Variants in UBE3B observed in about 807,000 individuals in gnomAD.
UBE3B encodes ubiquitin-protein ligase E3B.
A neutral mutation model predicts 132.3 loss-of-function variants in UBE3B; 80 were observed. The observed-to-expected ratio is 0.60, with a 90% CI of 0.50 to 0.73. UBE3B has a LOEUF of 0.73. Ranked by LOEUF, UBE3B falls within the 30% of genes least tolerant of loss-of-function variation. UBE3B has a pLI of 0.00. For missense variants in UBE3B, 1,196 were observed against 1,362.5 expected (o/e 0.88, Z 1.92); for synonymous variants, 487 against 520.4 (o/e 0.94, Z 0.87).
chr12:109,510,241 G>A (rs890721209), intron 16 of UBE3B, 103 bp from the exon 17 acceptor site: 6 of 900,032 alleles, frequency 6.7e-6, no homozygotes, highest in African/African-American at 3.3e-5. Context: ...TCAGAGCGAG[G>A]GAGATCAAGG....
Position 109,534,786 on chromosome 12 carries a change from C to T in UBE3B, c.*4C>T, listed in dbSNP as rs1042436530. On this transcript the variant is annotated 3_prime_UTR_variant, in exon 28 of 28. Coordinates refer to ENST00000342494, the MANE Select transcript of UBE3B (RefSeq NM_130466.4). This position sits in a 1 kb window ranked among gnomAD's most constrained non-coding sequence, Gnocchi z 5.2. ...CACGGGCTTTGAACTCTCCTAGCTC[C>T]TGTCCCAGCCCTGCCTCCAGGGCTC... is the stretch of plus-strand genomic sequence containing the variant. The T allele has an allele frequency of 1.3e-6, 2 of 1,505,428 alleles. No homozygotes were observed. Among genetic ancestry groups the T allele is most frequent in the Non-Finnish European group, 1.8e-6 (2 of 1,125,170 alleles). The allele number at this position is 1,505,428 out of a possible 1,614,324, so 93.3% of individuals were successfully genotyped here. A position where few individuals can be genotyped will look rare whatever the true frequency, so the allele number is the denominator to read the frequency against.
Position 109,521,616 on chromosome 12 carries a change from A to C in UBE3B, c.2364+65A>C. 3 of 1,414,518 alleles carry C rather than the reference A, an allele frequency of 2.1e-6. No individual in the cohort carries two copies. Among genetic ancestry groups the C allele is most frequent in the Non-Finnish European group, 2.9e-6 (3 of 1,041,000 alleles). The allele number at this position is 1,414,518 out of a possible 1,614,324, so 87.6% of individuals were successfully genotyped here. ...TTAACGGTACCATGGGCTTCTTCACATACACATATGTGATCAGGCTTGGCC... is the reference window on the plus strand; with the variant it reads ...TTAACGGTACCATGGGCTTCTTCACCTACACATATGTGATCAGGCTTGGCC... On this transcript the variant is annotated intron_variant, in intron 21 of 27. Coordinates refer to ENST00000342494, the MANE Select transcript of UBE3B (RefSeq NM_130466.4). The surrounding 1 kb of genome is among the most constrained non-coding windows in gnomAD (Gnocchi z 4.2).
intron 12 of UBE3B, 44 bp from the exon 13 acceptor site, chr12:109,501,327 A>C (rs779736754): frequency 6.2e-7 from 1 of 1,610,802 alleles, no homozygotes; most frequent in Admixed American, 1.7e-5. Context: ...CTGGCCCTGC[A>C]TCAGATGGAA....
chr12:109,531,032 T>C (rs1232116373), intron 26 of UBE3B, among the ~76,000 whole-genome samples: 1 of 152,176 alleles, frequency 6.6e-6, no homozygotes, highest in Admixed American at 6.5e-5. Context: ...AAAATACAGA[T>C]AAGCAAAATA....
Position 109,522,779 on chromosome 12 carries a change from T to C in UBE3B, c.2365-1199T>C, listed in dbSNP as rs1490044626. Among the ~76,000 whole-genome samples the C allele has an allele frequency of 6.6e-6, 1 of 152,214 alleles. No homozygotes were observed. Among genetic ancestry groups the C allele is most frequent in the African/African-American group, 2.4e-5 (1 of 41,472 alleles). ...GCCCCTGCCCAAACACCATCCAGTC[T>C]TCCTTGTGCCCTCCAGTGATTTGGG... On this transcript the variant is annotated intron_variant, in intron 21 of 27. Transcript: ENST00000342494. The surrounding 1 kb of genome is among the most constrained non-coding windows in gnomAD (Gnocchi z 4.2).
Position 109,486,508 on chromosome 12 carries a change from C to T in UBE3B, c.380C>T (p.Thr127Ile), listed in dbSNP as rs1460709664. ...TCCCTGGCTTGTTCTAAGGACCTCA[C>T]CCTCCTTTGGATTCAACAGATCAAG... is the stretch of plus-strand genomic sequence containing the variant. ...YVSLACSKDLTLLWIQQIKNI... is the reference protein window; with the variant it reads ...YVSLACSKDLILLWIQQIKNI... The change falls in exon 6 of 28, where the codon ACC becomes ATC. Residue 127 changes from threonine (T) to isoleucine (I), a missense_variant. Transcript: ENST00000342494. The T allele has an allele frequency of 3.1e-6, 5 of 1,609,670 alleles. No homozygotes were observed. In the South Asian group the frequency reaches 5.5e-5, roughly 18 times the overall value.
At chr12:109,533,962 G>A in intron 27 of UBE3B, 2 of 1,305,508 alleles carry the variant, frequency 1.5e-6, no homozygotes, top group Non-Finnish European at 2.0e-6. Flanking sequence ...TGCACGTCCA[G>A]GCTCGCTGCT....
intron 18 of UBE3B, among the ~76,000 whole-genome samples, chr12:109,516,340 T>G (rs575020345): frequency 4.6e-5 from 7 of 151,788 alleles, no homozygotes; most frequent in African/African-American, 1.2e-4. Flanking sequence ...CCCAGCTAAT[T>G]TTTGTATTTT....
chr12:109,524,048 T>C lies in UBE3B; in HGVS notation c.2435T>C (p.Phe812Ser), dbSNP rs767360700. The stretch of plus-strand genomic sequence containing the variant: ...CTGCTTGGGCACCACCACAGCGTCT[T>C]CTATAGCTCGGTGGATGAACTGCCT... ...SQLLGHHHSV[F>S]YSSVDELPSL... The change falls in exon 22 of 28, where the codon TTC becomes TCC. Residue 812 changes from phenylalanine (F) to serine (S), a missense_variant. By Grantham distance (155) the Phe-to-Ser change is radical. Coordinates refer to ENST00000342494, the MANE Select transcript of UBE3B (RefSeq NM_130466.4). The C allele has an allele frequency of 1.2e-6, 2 of 1,614,186 alleles. No individual in the cohort carries two copies. The highest frequency in any genetic ancestry group is 1.1e-5 in the South Asian group (1 of 91,082).
chr12:109,507,261 C>G (rs1489427779), intron 14 of UBE3B, among the ~76,000 whole-genome samples: 9 of 152,214 alleles, frequency 5.9e-5, no homozygotes, highest in African/African-American at 2.2e-4. Flanking sequence ...TTTAACCTTT[C>G]TGTGCTTCAG....
At chr12:109,540,256 A>G (rs1194005953), downstream of UBE3B, among the ~76,000 whole-genome samples, 1 of 152,102 alleles carries the variant, frequency 6.6e-6, no homozygotes, top group Non-Finnish European at 1.5e-5. Flanking sequence ...GGCTGGATCA[A>G]GATTGCCCAG....
chr12:109,524,485 C>T lies in UBE3B; in HGVS notation c.2550C>T (p.Asp850=), dbSNP rs778237173. ...ITDLGLTLSY[D]EDVMGQLVCH... ...ACCTGGGCCTGACGCTGTCTTACGA[C>T]GAGGACGTCATGGGTCAGGTAGGTC... is the stretch of plus-strand genomic sequence containing the variant. Residue 850 remains aspartate (D), a synonymous_variant, in exon 23 of 28, where the codon GAC becomes GAT. Coordinates refer to ENST00000342494, the MANE Select transcript of UBE3B (RefSeq NM_130466.4). 11 of 1,614,058 alleles carry T rather than the reference C, an allele frequency of 6.8e-6. No homozygotes were observed. Among genetic ancestry groups the T allele is most frequent in the South Asian group, 4.4e-5 (4 of 91,094 alleles).
chr12:109,539,266 T>C (rs1024376015), downstream of UBE3B, among the ~76,000 whole-genome samples: 2 of 152,134 alleles, frequency 1.3e-5, no homozygotes, highest in Admixed American at 1.3e-4. Flanking sequence ...AAAACAAAAC[T>C]GCACAGCAGC....
At chr12:109,533,026 G>T (rs565001996) in intron 26 of UBE3B, among the ~76,000 whole-genome samples, 3 of 152,276 alleles carry the variant, frequency 2.0e-5, no homozygotes, top group Admixed American at 6.5e-5. Flanking sequence ...ACGTGCAGTG[G>T]GTGCCACCAG....
At chr12:109,511,656 G>T (rs1880390851) in intron 18 of UBE3B, among the ~76,000 whole-genome samples, 2 of 152,196 alleles carry the variant, frequency 1.3e-5, no homozygotes, top group Admixed American at 6.5e-5. Context: ...GTGCAGTGTG[G>T]CTGGAGAGAA....
At chr12:109,523,903 A>G in intron 21 of UBE3B, 75 bp from the exon 22 acceptor site, 1 of 1,591,688 alleles carries the variant, frequency 6.3e-7, no homozygotes, top group South Asian at 1.1e-5. Flanking sequence ...CCATGTCTGC[A>G]CCCTGAGCCA....
rs140482099 is a variant in UBE3B at position 109,482,148 on chromosome 12, G to A, written c.-22+406G>A. 2.8e-3 allele frequency among the ~76,000 whole-genome samples: 427 copies of A among 152,254 alleles called. 4 individuals carry two copies. Among genetic ancestry groups the A allele is most frequent in the African/African-American group, 1.0e-2 (415 of 41,526 alleles). The stretch of plus-strand genomic sequence containing the variant: ...CGTAATTAATTTAATACCTCTAGGA[G>A]ATAATACTATTAAGTCCAATGTTTA... On this transcript the variant is annotated intron_variant, in intron 2 of 27. Coordinates refer to ENST00000342494, the MANE Select transcript of UBE3B (RefSeq NM_130466.4).
Position 109,483,590 on chromosome 12 carries a change from C to T in UBE3B, c.39C>T (p.Ile13=), listed in dbSNP as rs141528351. 1.5e-4 allele frequency: 234 copies of T among 1,608,204 alleles called. 5 individuals are homozygous for T. The East Asian group carries it at 4.8e-3, about 33-fold the overall frequency. The change falls in exon 3 of 28, where the codon ATC becomes ATT. Residue 13 remains isoleucine (I), a synonymous_variant. Coordinates refer to ENST00000342494, the MANE Select transcript of UBE3B (RefSeq NM_130466.4). ...CTCAGACCTCGAGAGCATGGTTCATCGATAGAGCCCGTCAGGCACGAGAAG... is the reference window on the plus strand; with the variant it reads ...CTCAGACCTCGAGAGCATGGTTCATTGATAGAGCCCGTCAGGCACGAGAAG... ...TLSQTSRAWF[I]DRARQAREER...
At chr12:109,488,783 A>G in intron 7 of UBE3B, 115 bp downstream of exon 7, 1 of 905,240 alleles carries the variant, frequency 1.1e-6, no homozygotes, top group Non-Finnish European at 1.8e-6. Flanking sequence ...AGGCCCTGAG[A>G]CCATACAAAT....
Sources: gnomAD v4.1 joint callset for allele counts (sites outside exome capture counted in the v4.1 genomes callset) on GRCh38, gnomAD v4.1.1 for gene constraint, Gnocchi (gnomAD v3.1) non-coding constraint, MANE v1.5 for transcripts, NCBI Gene and HGNC (gene_info 2026-07-23, HGNC 2026-07-21) for gene names.